The following YES1 variants were observed in gnomAD, a reference collection of about 807,000 sequenced individuals.
The protein encoded by YES1 is tyrosine-protein kinase Yes.
Under a neutral mutation model 70.4 loss-of-function variants are expected in YES1, and 39 were observed. The ratio of observed to expected loss-of-function variants is 0.55; its 90% CI spans 0.43 to 0.72. YES1 has a LOEUF of 0.72. Among genes scored for constraint, YES1 ranks in the 30% least tolerant of loss-of-function variants. The pLI is 0.00. For synonymous variants in YES1, 198 were observed against 218.6 expected (o/e 0.91, Z 0.83); for missense variants, 495 against 644.8 (o/e 0.77, Z 2.52).
intron 1 of YES1, among the ~76,000 whole-genome samples, chr18:805,977 G>A (rs1907076957): frequency 6.6e-6 from 1 of 152,222 alleles, no homozygotes. Flanking sequence ...AGACAATCTT[G>A]AAGTTTCAGG....
intron 1 of YES1, among the ~76,000 whole-genome samples, chr18:808,209 T>C (rs1907196012): frequency 6.6e-6 from 1 of 152,224 alleles, no homozygotes; most frequent in South Asian, 2.1e-4. Flanking sequence ...AGCCAACGAT[T>C]CCTTGGCATA....
intron 3 of YES1, among the ~76,000 whole-genome samples, chr18:750,396 C>T (rs1358626181): frequency 2.6e-5 from 4 of 152,178 alleles, no homozygotes; most frequent in African/African-American, 7.2e-5. Context: ...TTTCCAACTT[C>T]AGCACTATTG....
At chr18:760,342 C>T (rs1904524129) in intron 1 of YES1, among the ~76,000 whole-genome samples, 2 of 152,068 alleles carry the variant, frequency 1.3e-5, no homozygotes, top group South Asian at 4.2e-4. Flanking sequence ...TGGTGGTGCG[C>T]ACCTGTAGTC....
At chr18:736,736 A>T in intron 10 of YES1, 72 bp downstream of exon 10, 1 of 1,526,698 alleles carries the variant, frequency 6.6e-7, no homozygotes, top group African/African-American at 1.4e-5. Flanking sequence ...TATTCTGGAA[A>T]ACCCTGTATA....
At chr18:726,930 T>C (rs2080027912) in intron 11 of YES1, among the ~76,000 whole-genome samples, 1 of 152,128 alleles carries the variant, frequency 6.6e-6, no homozygotes, top group Non-Finnish European at 1.5e-5. Flanking sequence ...GCGCTGTTGC[T>C]TTGAAATGGA....
rs535491549 is a variant in YES1 at position 777,751 on chromosome 18, G to A, written c.-8-20916C>T. On this transcript the variant is annotated intron_variant, in intron 1 of 11. Transcript: ENST00000314574. ...TAACCCAGGAGGCGGAGGTTGCAAT[G>A]AGCTGAGATCACGCCATTACACTCC... Among the ~76,000 whole-genome samples, 9 of 150,056 alleles carry A rather than the reference G, an allele frequency of 6.0e-5. No homozygotes were observed. The South Asian group carries it at 1.9e-3, about 32-fold the overall frequency.
At chr18:791,075 C>A (rs1906221279) in intron 1 of YES1, among the ~76,000 whole-genome samples, 1 of 133,056 alleles carries the variant, frequency 7.5e-6, no homozygotes, top group African/African-American at 3.0e-5. Flanking sequence ...CATGGTGAAA[C>A]CCCATCTCTA....
At chr18:745,640 G>A in intron 6 of YES1, 68 bp downstream of exon 6, 8 of 1,394,950 alleles carry the variant, frequency 5.7e-6, no homozygotes, top group South Asian at 1.4e-5. Context: ...GAGAAATGAG[G>A]ATATGGATTT....
rs1175685127 is a variant in YES1, at chr18:765,502, G to A, written c.-8-8667C>T. Among the ~76,000 whole-genome samples the A allele has an allele frequency of 4.0e-5, 6 of 150,172 alleles. No individual in the cohort carries two copies. The East Asian group carries it at 6.0e-4, about 15-fold the overall frequency. On this transcript the variant is annotated intron_variant, in intron 1 of 11. Coordinates refer to ENST00000314574, the MANE Select transcript of YES1 (RefSeq NM_005433.4). ...CAACCTCCCGCTCCCCGGTTCAAGC[G>A]ATTCTCCTGCCTCACCCTCCCCAGT...
chr18:774,757 C>A (rs1215950041), intron 1 of YES1, among the ~76,000 whole-genome samples: 1 of 152,218 alleles, frequency 6.6e-6, no homozygotes, highest in Non-Finnish European at 1.5e-5. Context: ...CTTTTACAGG[C>A]ATGTCTCACA....
chr18:791,555 G>GTAC (rs1230889166), intron 1 of YES1, among the ~76,000 whole-genome samples: 1 of 152,156 alleles, frequency 6.6e-6, no homozygotes, highest in Non-Finnish European at 1.5e-5. Flanking sequence ...CTCCAGAACA[G>GTAC]TACTGTCCAA....
chr18:727,126 T>A (rs1289606972), intron 11 of YES1, among the ~76,000 whole-genome samples: 1 of 152,174 alleles, frequency 6.6e-6, no homozygotes, highest in Non-Finnish European at 1.5e-5. Flanking sequence ...AACTAGAATA[T>A]CCTGATCATA....
chr18:727,656 T>G (rs911217855), intron 11 of YES1, among the ~76,000 whole-genome samples: 2 of 152,240 alleles, frequency 1.3e-5, no homozygotes, highest in African/African-American at 4.8e-5. Context: ...TATTGTATGT[T>G]ACTCAAAATA....
In YES1 at chr18:766,652, A is replaced by G. The variant is rs534778280; in HGVS notation, c.-8-9817T>C. ...AGTGATATCCCTTTGTGGTTTTTAC[A>G]TTTCCCTAATGACTACACCTTATTT... On this transcript the variant is annotated intron_variant, in intron 1 of 11. Coordinates refer to ENST00000314574, the MANE Select transcript of YES1 (RefSeq NM_005433.4). Among the ~76,000 whole-genome samples the G allele has an allele frequency of 2.0e-4, 30 of 152,112 alleles. 1 individual carries two copies. In the South Asian group the frequency reaches 6.3e-3, roughly 32 times the overall value.
intron 11 of YES1, among the ~76,000 whole-genome samples, chr18:728,064 G>A (rs12327321): frequency 2.0e-5 from 3 of 152,240 alleles, no homozygotes; most frequent in Admixed American, 6.5e-5. Context: ...AGCCAGGCAC[G>A]GTGGCTCGCA....
intron 8 of YES1, among the ~76,000 whole-genome samples, chr18:741,374 G>A (rs921604868): frequency 1.3e-5 from 2 of 152,036 alleles, no homozygotes; most frequent in African/African-American, 4.8e-5. Context: ...CTCCTGAGTA[G>A]GGAATACATG....
chr18:792,868 G>A (rs796463986), intron 1 of YES1, among the ~76,000 whole-genome samples: 4 of 147,328 alleles, frequency 2.7e-5, no homozygotes, highest in East Asian at 2.0e-4. Flanking sequence ...CAAGGGGGGG[G>A]AAAAAGCTTA....
intron 1 of YES1, among the ~76,000 whole-genome samples, chr18:782,132 A>G (rs1298571725): frequency 6.6e-6 from 1 of 151,608 alleles, no homozygotes; most frequent in African/African-American, 2.4e-5. Context: ...TCTCTCCTTC[A>G]CCACCTCCAT....
intron 10 of YES1, chr18:735,822 G>GA (rs895821323): frequency 8.6e-5 from 13 of 150,946 alleles, no homozygotes; most frequent in Non-Finnish European, 1.9e-4. Flanking sequence ...AAAAACTATT[G>GA]AAAAAAAAAG....
Sources: gnomAD v4.1 joint callset for allele counts (sites outside exome capture counted in the v4.1 genomes callset) on GRCh38, gnomAD v4.1.1 for gene constraint, MANE v1.5 for transcripts, NCBI Gene and HGNC (gene_info 2026-07-23, HGNC 2026-07-21) for gene names.